The following ABCB11 variants were observed in gnomAD, a reference collection of about 807,000 sequenced individuals.
ABCB11 encodes the protein bile salt export pump.
ABCB11 carries 95 observed loss-of-function variants against 148.0 expected under a neutral mutation model. That is an observed-to-expected ratio of 0.64 (90% CI 0.54 to 0.76). ABCB11 has a LOEUF of 0.76. Ranked by LOEUF, ABCB11 falls within the 30% of genes least tolerant of loss-of-function variation. The pLI is 0.00. For synonymous variants in ABCB11, 591 were observed against 555.4 expected, an observed-to-expected ratio of 1.06 and a Z score of -0.90; for missense variants, 1,523 against 1,617.8, an observed-to-expected ratio of 0.94 and a Z score of 1.01.
At chr2:168,991,835 CT>C (rs72146229) in intron 8 of ABCB11, among the ~76,000 whole-genome samples, 13,937 of 128,196 alleles carry the variant, frequency 0.11, 1,059 homozygotes, top group East Asian at 0.36. Flanking sequence ...GAAAGTGAGG[CT>C]TTTTTTTTTT....
At chr2:168,943,385 G>A (rs1427239595) in intron 21 of ABCB11, among the ~76,000 whole-genome samples, 1 of 151,854 alleles carries the variant, frequency 6.6e-6, no homozygotes, top group Non-Finnish European at 1.5e-5. Context: ...GATGTGGCAA[G>A]CTCGATATAA....
In ABCB11 at chr2:169,015,195, T is replaced by C. The variant is rs548468626; in HGVS notation, c.99-841A>G. 2.6e-5 allele frequency among the ~76,000 whole-genome samples: 4 copies of C among 152,138 alleles called. No homozygotes were observed. In the South Asian group the frequency reaches 8.3e-4, roughly 32 times the overall value. On this transcript the variant is annotated intron_variant, in intron 3 of 27. Transcript: ENST00000650372. ...CATTTGAACCACACTCTCACCATCA[T>C]CCTCAATTATTTTCTCTACATCATC...
At chr2:168,974,330 C>T (rs998024598) in intron 12 of ABCB11, among the ~76,000 whole-genome samples, 3 of 151,984 alleles carry the variant, frequency 2.0e-5, no homozygotes, top group Non-Finnish European at 4.4e-5. Flanking sequence ...TTTGAATAAA[C>T]TTACTTAATA....
At chr2:168,940,413 A>G (rs1471968359) in intron 21 of ABCB11, among the ~76,000 whole-genome samples, 1 of 152,150 alleles carries the variant, frequency 6.6e-6, no homozygotes, top group African/African-American at 2.4e-5. Flanking sequence ...TGGAGACAAG[A>G]TCAAACCTGC....
chr2:168,938,926 A>G (rs1191993085), intron 21 of ABCB11, among the ~76,000 whole-genome samples: 1 of 152,036 alleles, frequency 6.6e-6, no homozygotes, highest in African/African-American at 2.4e-5. Flanking sequence ...TTTCTTTACA[A>G]AAAGGGCTCA....
At position 168,935,217 on chromosome 2, in the gene ABCB11, G is replaced by A; in HGVS notation, c.3023C>T (p.Ser1008Phe). Residue 1008 changes from serine to phenylalanine, a missense_variant, in exon 23 of 28, where the codon TCC becomes TTC. Ser to Phe is a radical substitution (Grantham distance 155, BLOSUM62 -2). Coordinates refer to ENST00000650372, the MANE Select transcript of ABCB11 (RefSeq NM_003742.4). Reference sequence around the variant, plus strand: ...ATAGCTGAAATGGAGCCCCTCATTGGAGATTAAGTAACCTCCATATCTGTA... The same window carrying A: ...ATAGCTGAAATGGAGCCCCTCATTGAAGATTAAGTAACCTCCATATCTGTA... ...ASYRYGGYLI[S>F]NEGLHFSYVF... The A allele has an allele frequency of 6.2e-7, 1 of 1,614,014 alleles. No homozygotes were observed. The highest frequency in any genetic ancestry group is 8.5e-7 in the Non-Finnish European group (1 of 1,179,888).
chr2:168,931,264 G>A (rs1691557063), intron 24 of ABCB11, among the ~76,000 whole-genome samples: 1 of 152,080 alleles, frequency 6.6e-6, no homozygotes, highest in African/African-American at 2.4e-5. Context: ...TAGAAAGAAA[G>A]TTACCTGAGG....
intron 1 of ABCB11, among the ~76,000 whole-genome samples, chr2:169,029,671 C>A (rs1695802411): frequency 6.6e-6 from 1 of 150,556 alleles, no homozygotes; most frequent in African/African-American, 2.4e-5. Flanking sequence ...GAATGTAACA[C>A]CAAAGTTAAC....
chr2:168,988,870 T>C (rs191937442), intron 9 of ABCB11, among the ~76,000 whole-genome samples: 1 of 152,302 alleles, frequency 6.6e-6, no homozygotes, highest in East Asian at 1.9e-4. Context: ...ATTAGTGATG[T>C]GTGACATCTT....
At chr2:168,924,422 C>T (rs1007295541) in intron 27 of ABCB11, among the ~76,000 whole-genome samples, 4 of 152,090 alleles carry the variant, frequency 2.6e-5, no homozygotes, top group African/African-American at 4.8e-5. Context: ...AAAAATGTCA[C>T]TTAGCCTAAA....
chr2:169,012,766 A>C lies in ABCB11; in HGVS notation c.389+506T>G, dbSNP rs1163584763. Among the ~76,000 whole-genome samples the C allele has an allele frequency of 3.9e-5, 6 of 151,940 alleles. No homozygotes were observed. In the East Asian group the frequency reaches 7.7e-4, roughly 20 times the overall value. On this transcript the variant is annotated intron_variant, in intron 5 of 27. Coordinates refer to ENST00000650372, the MANE Select transcript of ABCB11 (RefSeq NM_003742.4). ...AAAAAAAAAAAAAAGAAAAAAGAAA[A>C]AAACAAACTCAACTACTGGTTGAGA... is the stretch of plus-strand genomic sequence containing the variant.
chr2:168,993,620 G>A, intron 8 of ABCB11, 91 bp downstream of exon 8: 1 of 1,187,150 alleles, frequency 8.4e-7, no homozygotes, highest in Admixed American at 2.4e-5. Flanking sequence ...GTTGCTAACT[G>A]TACTCAGGAA....
intron 5 of ABCB11, among the ~76,000 whole-genome samples, chr2:169,012,894 G>C (rs1312221228): frequency 6.6e-6 from 1 of 152,112 alleles, no homozygotes; most frequent in African/African-American, 2.4e-5. Flanking sequence ...ACAAAGCTAA[G>C]GGGCAGAGGG....
intron 12 of ABCB11, among the ~76,000 whole-genome samples, chr2:168,974,182 G>C (rs140334227): frequency 2.3e-4 from 35 of 151,974 alleles, no homozygotes; most frequent in African/African-American, 8.2e-4. Context: ...ACTAGGATAA[G>C]GAGACTATGC....
At chr2:168,924,829 G>A (rs1175351160) in intron 26 of ABCB11, 26 bp from the exon 27 acceptor site, 1 of 1,604,864 alleles carries the variant, frequency 6.2e-7, no homozygotes. Context: ...ATAAGTTTGA[G>A]AAATAGAAAC....
At chr2:168,932,728 G>A (rs1318620793) in intron 23 of ABCB11, among the ~76,000 whole-genome samples, 195 bp from the exon 24 acceptor site, 3 of 152,120 alleles carry the variant, frequency 2.0e-5, no homozygotes, top group African/African-American at 7.2e-5. Flanking sequence ...TGTGTTCTAT[G>A]AAAAAGGAGT....
At chr2:168,981,494 A>G (rs1049322534) in intron 10 of ABCB11, among the ~76,000 whole-genome samples, 1 of 152,280 alleles carries the variant, frequency 6.6e-6, no homozygotes, top group African/African-American at 2.4e-5. Flanking sequence ...ATCAAATGAG[A>G]TAATGTGTGT....
At chr2:168,924,447 A>G (rs1348609939) in intron 27 of ABCB11, among the ~76,000 whole-genome samples, 1 of 152,206 alleles carries the variant, frequency 6.6e-6, no homozygotes, top group Admixed American at 6.5e-5. Flanking sequence ...CTTAAAAACA[A>G]TTCTTATTTT....
At chr2:168,939,331 C>T (rs1412425964) in intron 21 of ABCB11, among the ~76,000 whole-genome samples, 1 of 151,978 alleles carries the variant, frequency 6.6e-6, no homozygotes, top group Non-Finnish European at 1.5e-5. Context: ...TTTACTATTA[C>T]TCTCCAAAAC....
Sources: gnomAD v4.1 joint callset for allele counts (sites outside exome capture counted in the v4.1 genomes callset) on GRCh38, gnomAD v4.1.1 for gene constraint, MANE v1.5 for transcripts, NCBI Gene and HGNC (gene_info 2026-07-23, HGNC 2026-07-21) for gene names.